The following NCALD variants were observed in gnomAD, a reference collection of about 807,000 sequenced individuals.
NCALD encodes neurocalcin-delta.
NCALD carries 10 observed loss-of-function variants against 18.6 expected under a neutral mutation model. The observed-to-expected ratio is 0.54, with a 90% confidence interval of 0.33 to 0.91. The LOEUF (loss-of-function observed/expected upper bound fraction) is 0.91, where lower values mean the gene tolerates loss of function less well. Ranked by LOEUF, NCALD falls within the 40% of genes least tolerant of loss-of-function variation. NCALD has a pLI of 0.03. For synonymous variants in NCALD, 88 were observed against 87.4 expected (o/e 1.01, Z -0.04); for missense variants, 184 against 247.6 (o/e 0.74, Z 1.72).
chr8:101,717,090 C>T (rs190145626), intron 2 of NCALD, among the ~76,000 whole-genome samples: 1 of 152,296 alleles, frequency 6.6e-6, no homozygotes, highest in Admixed American at 6.5e-5. Context: ...AAGCTACTGG[C>T]TTTCTGAAAC....
chr8:102,122,395 GT>G (rs1391290329), intron 1 of NCALD, among the ~76,000 whole-genome samples: 2 of 152,290 alleles, frequency 1.3e-5, no homozygotes, highest in Non-Finnish European at 2.9e-5. Flanking sequence ...TTAGATTTTT[GT>G]TTTTGGAATG....
intron 4 of NCALD, among the ~76,000 whole-genome samples, chr8:101,883,406 T>G (rs774477022): frequency 2.6e-5 from 4 of 152,052 alleles, no homozygotes; most frequent in Non-Finnish European, 4.4e-5. Context: ...CTCAGCTCCT[T>G]CTCCATCAGT....
intron 2 of NCALD, among the ~76,000 whole-genome samples, chr8:101,989,922 G>T (rs1318192051): frequency 6.6e-6 from 1 of 152,090 alleles, no homozygotes; most frequent in Non-Finnish European, 1.5e-5. Flanking sequence ...CTGACAATTG[G>T]GTTTAGGGGG....
chr8:101,758,803 A>G (rs913871280), intron 1 of NCALD, among the ~76,000 whole-genome samples: 1 of 151,432 alleles, frequency 6.6e-6, no homozygotes, highest in Non-Finnish European at 1.5e-5. Context: ...AGTGTCTAGC[A>G]TAGTGCTGGG....
At chr8:101,823,665 C>T (rs1813813046) in intron 4 of NCALD, among the ~76,000 whole-genome samples, 1 of 151,986 alleles carries the variant, frequency 6.6e-6, no homozygotes. Flanking sequence ...CTGATGAGCT[C>T]TCAAAATATT....
chr8:101,894,585 G>A (rs1817068113), intron 3 of NCALD, among the ~76,000 whole-genome samples: 1 of 143,550 alleles, frequency 7.0e-6, no homozygotes, highest in African/African-American at 2.9e-5. Flanking sequence ...CTGGTTTTTT[G>A]AAAGGATCAA....
At chr8:101,792,166 C>T (rs1172847817), upstream of NCALD, among the ~76,000 whole-genome samples, 3 of 151,976 alleles carry the variant, frequency 2.0e-5, no homozygotes, top group Admixed American at 2.0e-4. Flanking sequence ...GACTTCTATT[C>T]TGTTTCTTAA....
intron 1 of NCALD, among the ~76,000 whole-genome samples, chr8:101,762,177 A>G (rs1811140540): frequency 6.6e-6 from 1 of 152,148 alleles, no homozygotes; most frequent in Admixed American, 6.5e-5. Context: ...ATAGACCAGG[A>G]GCTTCTGGAT....
intron 4 of NCALD, chr8:101,847,270 T>C (rs1005145115): frequency 3.4e-5 from 8 of 236,450 alleles, no homozygotes; most frequent in Non-Finnish European, 7.1e-5. Flanking sequence ...AGACAGGTAA[T>C]GTGCCAATGT....
At chr8:101,811,649 G>A (rs1813309128) in intron 4 of NCALD, among the ~76,000 whole-genome samples, 1 of 152,196 alleles carries the variant, frequency 6.6e-6, no homozygotes, top group African/African-American at 2.4e-5. Flanking sequence ...GGAAGAAAAT[G>A]GGAGAGAGTT....
chr8:101,924,191 A>G lies in NCALD; in HGVS notation c.-156-8333T>C, dbSNP rs146030704. ...AACATTTAGATAAAAATGGCTTTGA[A>G]AAGTTTTAATATTATATAAAGATAC... On this transcript the variant is annotated intron_variant, in intron 2 of 6. Transcript: ENST00000311028. Among the ~76,000 whole-genome samples, 24 of 152,330 alleles carry G rather than the reference A, an allele frequency of 1.6e-4. No individual in the cohort carries two copies. The East Asian group carries it at 4.4e-3, about 28-fold the overall frequency.
intron 1 of NCALD, among the ~76,000 whole-genome samples, chr8:101,720,202 C>T (rs1816286931): frequency 6.6e-6 from 1 of 152,052 alleles, no homozygotes; most frequent in South Asian, 2.1e-4. Context: ...TGGAAGCAAA[C>T]CTAATACCAC....
At chr8:102,073,004 G>T (rs139665042) in intron 1 of NCALD, among the ~76,000 whole-genome samples, 2 of 152,160 alleles carry the variant, frequency 1.3e-5, no homozygotes, top group African/African-American at 4.8e-5. Flanking sequence ...AATGTATCAT[G>T]TACATAATAA....
intron 4 of NCALD, among the ~76,000 whole-genome samples, chr8:101,829,624 G>T (rs1332755564): frequency 6.6e-6 from 1 of 150,880 alleles, no homozygotes; most frequent in Non-Finnish European, 1.5e-5. Context: ...AATTGTTGAG[G>T]AAATATCTTT....
intron 1 of NCALD, among the ~76,000 whole-genome samples, chr8:102,071,782 A>G (rs753484164): frequency 6.6e-6 from 1 of 152,250 alleles, no homozygotes; most frequent in Non-Finnish European, 1.5e-5. Context: ...ATAGGAATAC[A>G]TTTAACAGAA....
At chr8:102,090,547 A>C (rs2132371639) in intron 1 of NCALD, among the ~76,000 whole-genome samples, 1 of 152,354 alleles carries the variant, frequency 6.6e-6, no homozygotes, top group African/African-American at 2.4e-5. Context: ...ACAGGAGTTA[A>C]CGGCAGGGAC....
chr8:101,797,127 G>C (rs1455269898), intron 4 of NCALD, among the ~76,000 whole-genome samples: 1 of 152,150 alleles, frequency 6.6e-6, no homozygotes, highest in Non-Finnish European at 1.5e-5. Context: ...GATGTCCTTG[G>C]GCACATGTTA....
At chr8:102,081,992 T>A (rs2132336581) in intron 1 of NCALD, among the ~76,000 whole-genome samples, 1 of 152,210 alleles carries the variant, frequency 6.6e-6, no homozygotes, top group African/African-American at 2.4e-5. Flanking sequence ...CAGAGTTGAG[T>A]GTTGTATTTA....
Position 102,045,330 on chromosome 8 carries a change from T to C in NCALD, c.-209-25041A>G, listed in dbSNP as rs140686290. Among the ~76,000 whole-genome samples, 481 of 152,330 alleles carry C rather than the reference T, an allele frequency of 3.2e-3. 1 individual carries two copies. Among genetic ancestry groups the C allele is most frequent in the Admixed American group, 8.3e-3 (127 of 15,300 alleles). ...CTACCAGCTGTGTGACCTTGGGAAC[T>C]GCACTTTAACCTCACTGAAATGCAC... On this transcript the variant is annotated intron_variant, in intron 1 of 6. Transcript: ENST00000311028.
Sources: allele counts gnomAD v4.1 joint callset (sites outside exome capture counted in the v4.1 genomes callset), GRCh38; gene constraint gnomAD v4.1.1; transcripts MANE v1.5; gene names NCBI Gene and HGNC (gene_info 2026-07-23, HGNC 2026-07-21).